The following EYA1 variants were observed in gnomAD, a reference collection of about 807,000 sequenced individuals.
EYA1 encodes the protein EYA transcriptional coactivator and phosphatase 1, also known as protein phosphatase EYA1.
A neutral mutation model predicts 82.0 loss-of-function variants in EYA1; 16 were observed. The ratio of observed to expected loss-of-function variants is 0.20; its 90% CI spans 0.13 to 0.30. EYA1 has a LOEUF of 0.30. Among genes scored for constraint, EYA1 ranks in the 10% least tolerant of loss-of-function variants. The pLI is 1.00. For synonymous variants in EYA1, 261 were observed against 264.4 expected, an observed-to-expected ratio of 0.99 and a Z score of 0.12; for missense variants, 633 against 730.7, an observed-to-expected ratio of 0.87 and a Z score of 1.54.
intron 3 of EYA1, among the ~76,000 whole-genome samples, chr8:71,337,960 C>A (rs186985284): frequency 6.6e-6 from 1 of 152,340 alleles, no homozygotes; most frequent in East Asian, 1.9e-4. Flanking sequence ...GGTGAATACT[C>A]AGGTGAGAAT....
At chr8:71,494,941 C>G (rs1429005728) in intron 2 of EYA1, among the ~76,000 whole-genome samples, 1 of 151,942 alleles carries the variant, frequency 6.6e-6, no homozygotes, top group Admixed American at 6.6e-5. Context: ...AAGGCCTAAG[C>G]AATATAGTAT....
chr8:71,313,614 T>C (rs375302973), intron 7 of EYA1, among the ~76,000 whole-genome samples: 98 of 152,300 alleles, frequency 6.4e-4, no homozygotes, highest in Non-Finnish European at 1.3e-3. Context: ...ACAACAGTAT[T>C]GTGGGAGTAG....
intron 11 of EYA1, among the ~76,000 whole-genome samples, chr8:71,254,836 C>T (rs531801612): frequency 2.6e-5 from 4 of 151,430 alleles, no homozygotes; most frequent in East Asian, 3.9e-4. Flanking sequence ...AAGACCTCCC[C>T]CCACCCCGCC....
At chr8:71,273,651 C>G (rs184600390) in intron 9 of EYA1, among the ~76,000 whole-genome samples, 1 of 152,264 alleles carries the variant, frequency 6.6e-6, no homozygotes, top group Non-Finnish European at 1.5e-5. Context: ...AGATATTCAC[C>G]ATCTGAGACA....
intron 2 of EYA1, among the ~76,000 whole-genome samples, chr8:71,469,259 G>A (rs1487402549): frequency 6.6e-6 from 1 of 152,098 alleles, no homozygotes; most frequent in African/African-American, 2.4e-5. Context: ...AGTACTGGGT[G>A]TGTTTTATTC....
intron 2 of EYA1, among the ~76,000 whole-genome samples, chr8:71,412,387 TATAAAATAAA>T (rs1198782921): frequency 1.4e-5 from 2 of 141,882 alleles, no homozygotes; most frequent in Non-Finnish European, 3.1e-5. Flanking sequence ...AATAAAAAAA[TATAAAATAAA>T]ATAAAATAAA....
intron 2 of EYA1, among the ~76,000 whole-genome samples, chr8:71,418,155 C>T (rs1023828961): frequency 6.6e-6 from 1 of 152,190 alleles, no homozygotes; most frequent in Non-Finnish European, 1.5e-5. Context: ...TGTGATCCTC[C>T]CACTTTCCAA....
At chr8:71,411,622 G>GA in intron 2 of EYA1, among the ~76,000 whole-genome samples, 1 of 151,784 alleles carries the variant, frequency 6.6e-6, no homozygotes, top group Non-Finnish European at 1.5e-5. Flanking sequence ...CAAAATACAT[G>GA]AAAAAATGCT....
In EYA1 at chr8:71,486,860, G is replaced by T. The variant is rs189437190; in HGVS notation, c.33+48884C>A. Among the ~76,000 whole-genome samples, 267 of 151,840 alleles carry T rather than the reference G, an allele frequency of 1.8e-3. 2 individuals carry two copies. The highest frequency in any genetic ancestry group is 5.8e-3 in the Admixed American group (89 of 15,266). On this transcript the variant is annotated intron_variant, in intron 2 of 18. Coordinates refer to the EYA1 transcript ENST00000643681. ...TTAGAGATCCCAGCTCTGGTAGGTTGCCTCAGTTTCTAAGTCTGCCTTATT... is the reference window on the plus strand; with the variant it reads ...TTAGAGATCCCAGCTCTGGTAGGTTTCCTCAGTTTCTAAGTCTGCCTTATT...
At chr8:71,318,709 A>T (rs571145540) in intron 6 of EYA1, among the ~76,000 whole-genome samples, 1 of 152,294 alleles carries the variant, frequency 6.6e-6, no homozygotes, top group South Asian at 2.1e-4. Context: ...TATCTTTAGG[A>T]TCTAGAATAC....
intron 2 of EYA1, among the ~76,000 whole-genome samples, chr8:71,437,081 G>T (rs1806066658): frequency 1.9e-5 from 2 of 105,340 alleles, no homozygotes; most frequent in Non-Finnish European, 4.0e-5. Context: ...TCTCCATCTT[G>T]TTTATATATA....
chr8:71,308,610 C>T (rs140236896), intron 7 of EYA1, among the ~76,000 whole-genome samples: 18 of 151,940 alleles, frequency 1.2e-4, no homozygotes, highest in Non-Finnish European at 2.6e-4. Context: ...AGAACACAGC[C>T]TATGTCGATT....
intron 3 of EYA1, among the ~76,000 whole-genome samples, chr8:71,336,060 C>T (rs1586431105): frequency 6.6e-6 from 1 of 152,034 alleles, no homozygotes; most frequent in Admixed American, 6.5e-5. Context: ...ACTCCCTAGT[C>T]AGTATTGTCT....
chr8:71,341,030 C>T (rs1057064801), intron 3 of EYA1, among the ~76,000 whole-genome samples: 1 of 152,162 alleles, frequency 6.6e-6, no homozygotes, highest in Non-Finnish European at 1.5e-5. Context: ...TGCAAAGTGT[C>T]TCATTTACAG....
intron 3 of EYA1, among the ~76,000 whole-genome samples, chr8:71,342,333 T>C (rs1170937029): frequency 6.6e-6 from 1 of 152,184 alleles, no homozygotes; most frequent in Non-Finnish European, 1.5e-5. Flanking sequence ...TCAGCTAAAC[T>C]GGTCTCCTCA....
Position 71,450,479 on chromosome 8 carries a change from G to A in EYA1, c.33+85265C>T, listed in dbSNP as rs144388007. Among the ~76,000 whole-genome samples the A allele has an allele frequency of 5.5e-4, 84 of 152,292 alleles. 1 individual carries two copies. Among genetic ancestry groups the A allele is most frequent in the South Asian group, 3.3e-3 (16 of 4,822 alleles). On this transcript the variant is annotated intron_variant, in intron 2 of 18. Transcript: ENST00000643681. ...CATACATTTATCAATTAAGTTCATC[G>A]TCTTATATGGGCATGGTTTGTGGTG... is the stretch of plus-strand genomic sequence containing the variant.
chr8:71,503,053 C>T (rs975505949), intron 2 of EYA1, among the ~76,000 whole-genome samples: 4 of 152,196 alleles, frequency 2.6e-5, no homozygotes, highest in Admixed American at 6.5e-5. Flanking sequence ...TCTATACATA[C>T]ATTTCTTTCC....
intron 2 of EYA1, among the ~76,000 whole-genome samples, chr8:71,453,433 C>T (rs1242211957): frequency 1.3e-5 from 2 of 152,168 alleles, no homozygotes; most frequent in African/African-American, 2.4e-5. Flanking sequence ...CACAAAGATA[C>T]TCCTTGAGAA....
intron 2 of EYA1, among the ~76,000 whole-genome samples, chr8:71,412,057 T>G (rs1477256251): frequency 1.3e-5 from 2 of 150,484 alleles, no homozygotes; most frequent in African/African-American, 2.4e-5. Context: ...CCATAAAAAA[T>G]GATGAGTTCA....
Sources: allele counts gnomAD v4.1 joint callset (sites outside exome capture counted in the v4.1 genomes callset), GRCh38; gene constraint gnomAD v4.1.1; transcripts MANE v1.5; gene names NCBI Gene and HGNC (gene_info 2026-07-23, HGNC 2026-07-21).